Variants in PPIL6 observed in about 807,000 individuals in gnomAD.
PPIL6 encodes probable inactive peptidyl-prolyl cis-trans isomerase-like 6.
A neutral mutation model predicts 36.8 loss-of-function variants in PPIL6; 39 were observed. The ratio of observed to expected loss-of-function variants is 1.06; its 90% CI spans 0.82 to 1.38. The LOEUF is 1.38. PPIL6 is among the 40% of genes most tolerant of loss of function. The pLI, the probability that PPIL6 is intolerant of heterozygous loss-of-function variation, is 0.00. For missense variants in PPIL6, 368 were observed against 379.1 expected (o/e 0.97, Z 0.24); for synonymous variants, 123 against 134.1 (o/e 0.92, Z 0.57).
At chr6:109,437,151 G>T (rs1323816447) in intron 1 of PPIL6, among the ~76,000 whole-genome samples, 1 of 152,216 alleles carries the variant, frequency 6.6e-6, no homozygotes, top group Non-Finnish European at 1.5e-5. Flanking sequence ...TCCAGGCTTG[G>T]TTCTTGATAT....
chr6:109,427,209 T>C (rs1252136481), intron 3 of PPIL6, 53 bp from the exon 4 acceptor site: 23 of 1,362,294 alleles, frequency 1.7e-5, no homozygotes, highest in Non-Finnish European at 2.3e-5. Flanking sequence ...TACAAGAAAG[T>C]TTTCAGAAAT....
intron 7 of PPIL6, 35 bp downstream of exon 7, chr6:109,400,000 T>C: frequency 6.6e-7 from 1 of 1,522,760 alleles, no homozygotes. Context: ...TTTACAGGTG[T>C]GAATATTATA....
chr6:109,440,172 G>A lies in PPIL6; in HGVS notation c.135+284C>T, dbSNP rs771943314. On this transcript the variant is annotated intron_variant, in intron 1 of 7. Transcript: ENST00000521072. The stretch of plus-strand genomic sequence containing the variant: ...CGGGTGTGTGTGTGTGTGTCTCGGA[G>A]GGGATTACCTTATCTCCCAGCGCGG... 5.1e-5 allele frequency: 26 copies of A among 510,612 alleles called. No homozygotes were observed. In the East Asian group the frequency reaches 5.1e-4, roughly 10 times the overall value. The allele number at this position is 510,612 out of a possible 1,614,324, so 31.6% of individuals were successfully genotyped here.
At chr6:109,431,108 A>C in intron 3 of PPIL6, 49 bp downstream of exon 3, 1 of 1,312,282 alleles carries the variant, frequency 7.6e-7, no homozygotes, top group Non-Finnish European at 1.1e-6. Context: ...GAATCAATAT[A>C]AAGGGTCAAA....
intron 3 of PPIL6, among the ~76,000 whole-genome samples, chr6:109,427,971 T>G (rs1446805339): frequency 6.6e-6 from 1 of 152,186 alleles, no homozygotes; most frequent in African/African-American, 2.4e-5. Context: ...GCCACATCTG[T>G]TCTGAGTGGG....
rs181707667 is a variant in PPIL6, at chr6:109,410,577, G to A, written c.688+8610C>T. Among the ~76,000 whole-genome samples, 104 of 152,178 alleles carry A rather than the reference G, an allele frequency of 6.8e-4. 1 individual carries two copies. The highest frequency in any genetic ancestry group is 2.1e-3 in the African/African-American group (86 of 41,514). ...TGAATGGAACTCTCCCCCACTTAAC[G>A]GATTCCACTTGAACCCCCTGCCAAC... On this transcript the variant is annotated intron_variant, in intron 6 of 7. Coordinates refer to ENST00000521072, the MANE Select transcript of PPIL6 (RefSeq NM_173672.5).
intron 2 of PPIL6, among the ~76,000 whole-genome samples, chr6:109,434,238 C>T (rs1177146732): frequency 6.6e-6 from 1 of 152,120 alleles, no homozygotes; most frequent in African/African-American, 2.4e-5. Context: ...CCGTTTGTCA[C>T]CCGAGTTGTT....
intron 3 of PPIL6, among the ~76,000 whole-genome samples, 157 bp downstream of exon 3, chr6:109,431,000 A>G (rs1469621832): frequency 6.6e-6 from 1 of 152,222 alleles, no homozygotes; most frequent in Non-Finnish European, 1.5e-5. Context: ...ACATACCACC[A>G]TATTACAATC....
At position 109,440,549 on chromosome 6, in the gene PPIL6, G is replaced by A. The variant is rs756487061; in HGVS notation, c.42C>T (p.Cys14=). The A allele has an allele frequency of 1.0e-5, 15 of 1,480,590 alleles. 1 individual carries two copies. In the South Asian group the frequency reaches 1.3e-4, roughly 13 times the overall value. The allele number at this position is 1,480,590 out of a possible 1,614,324, so 91.7% of individuals were successfully genotyped here. Residue 14 remains cysteine (C), a synonymous_variant, in exon 1 of 8, where the codon TGC becomes TGT. Coordinates refer to ENST00000521072, the MANE Select transcript of PPIL6 (RefSeq NM_173672.5). Reference sequence around the variant, plus strand: ...GCCGCTCCGGCAGCGACGGCGAGCCGCACCTAGCGTGCGGGGGCCCGCACG... The same window carrying A: ...GCCGCTCCGGCAGCGACGGCGAGCCACACCTAGCGTGCGGGGGCCCGCACG... The part of the protein sequence containing the change: ...PQPCGPPHAR[C]GSPSLPERPL...
chr6:109,407,655 C>G (rs1772857117), intron 6 of PPIL6, among the ~76,000 whole-genome samples: 1 of 152,212 alleles, frequency 6.6e-6, no homozygotes, highest in Non-Finnish European at 1.5e-5. Flanking sequence ...CATAATTACT[C>G]AATGACTTTA....
At chr6:109,420,552 A>G (rs1239297779) in intron 5 of PPIL6, among the ~76,000 whole-genome samples, 2 of 152,186 alleles carry the variant, frequency 1.3e-5, no homozygotes, top group Non-Finnish European at 2.9e-5. Context: ...AAAAGACTCC[A>G]TGAACAAGTT....
intron 6 of PPIL6, among the ~76,000 whole-genome samples, chr6:109,416,759 A>G (rs1336308662): frequency 6.6e-6 from 1 of 152,112 alleles, no homozygotes; most frequent in East Asian, 1.9e-4. Context: ...TTTTGCTTTA[A>G]GTTGTCATAT....
In PPIL6 at chr6:109,392,702, A is replaced by G; in HGVS notation, c.*124T>C. ...GATGGGGAGGGATTGGGTGTAGATG[A>G]GGCAACCTACAGTGTCTGCCACGGC... On this transcript the variant is annotated 3_prime_UTR_variant, in exon 8 of 8. Transcript: ENST00000521072. The G allele has an allele frequency of 1.7e-6, 1 of 587,420 alleles. No homozygotes were observed. The allele number at this position is 587,420 out of a possible 1,614,324, so 36.4% of individuals were successfully genotyped here.
At chr6:109,414,497 T>G (rs1278368648) in intron 6 of PPIL6, among the ~76,000 whole-genome samples, 17 of 144,890 alleles carry the variant, frequency 1.2e-4, no homozygotes, top group East Asian at 8.0e-4. Flanking sequence ...TTTTTTTTTT[T>G]TTTTTGAGAC....
chr6:109,392,684 AG>A lies in PPIL6; in HGVS notation c.*141del, dbSNP rs1216564652. 1.7e-6 allele frequency: 1 copy of A among 578,116 alleles called. No individual in the cohort carries two copies. The highest frequency in any genetic ancestry group is 3.0e-5 in the East Asian group (1 of 33,344). The allele number at this position is 578,116 out of a possible 1,614,324, so 35.8% of individuals were successfully genotyped here. On this transcript the variant is annotated 3_prime_UTR_variant, in exon 8 of 8. Coordinates refer to ENST00000521072, the MANE Select transcript of PPIL6 (RefSeq NM_173672.5). ...ACAGAGACAGGAAAGGAAGATGGGG[AG>A]GGATTGGGTGTAGATGAGGCAACCT...
intron 2 of PPIL6, among the ~76,000 whole-genome samples, chr6:109,434,379 G>A (rs1044521839): frequency 1.3e-5 from 2 of 152,110 alleles, no homozygotes; most frequent in African/African-American, 4.8e-5. Context: ...AAAATAGCGA[G>A]ACCCTGTTTC....
chr6:109,417,789 A>G (rs1235576101), intron 6 of PPIL6, among the ~76,000 whole-genome samples: 1 of 152,208 alleles, frequency 6.6e-6, no homozygotes, highest in East Asian at 1.9e-4. Context: ...CTGCAGGGAC[A>G]CCTGTCCAGT....
intron 2 of PPIL6, among the ~76,000 whole-genome samples, chr6:109,435,646 C>T (rs888561477): frequency 5.9e-5 from 9 of 151,940 alleles, no homozygotes; most frequent in Admixed American, 2.0e-4. Flanking sequence ...GCTTGGTGGC[C>T]GAGCTCAGTG....
At chr6:109,436,695 T>A (rs1373472239) in intron 1 of PPIL6, among the ~76,000 whole-genome samples, 1 of 152,146 alleles carries the variant, frequency 6.6e-6, no homozygotes, top group Admixed American at 6.5e-5. Flanking sequence ...CACTCCAGCC[T>A]GGGTGACAGA....
Sources: gnomAD v4.1 joint callset for allele counts (sites outside exome capture counted in the v4.1 genomes callset) on GRCh38, gnomAD v4.1.1 for gene constraint, MANE v1.5 for transcripts, NCBI Gene and HGNC (gene_info 2026-07-23, HGNC 2026-07-21) for gene names.